The following ANKRD26 variants were observed in gnomAD, a reference collection of about 807,000 sequenced individuals.
ANKRD26 encodes ankyrin repeat domain-containing protein 26.
Under a neutral mutation model 208.7 loss-of-function variants are expected in ANKRD26, and 141 were observed. The ratio of observed to expected loss-of-function variants is 0.68; its 90% CI spans 0.59 to 0.78. The LOEUF (loss-of-function observed/expected upper bound fraction) is 0.78, where lower values mean the gene tolerates loss of function less well. Among genes scored for constraint, ANKRD26 ranks in the 30% least tolerant of loss-of-function variants. The probability of loss-of-function intolerance (pLI) is 0.00; values close to 1 mark genes in which losing one functional copy is unlikely to be tolerated. For synonymous variants in ANKRD26, 636 were observed against 660.4 expected (o/e 0.96, Z 0.57); for missense variants, 1,889 against 1,938.7 (o/e 0.97, Z 0.48).
At chr10:27,062,710 T>C (rs2055101900) in intron 12 of ANKRD26, among the ~76,000 whole-genome samples, 1 of 152,156 alleles carries the variant, frequency 6.6e-6, no homozygotes, top group Non-Finnish European at 1.5e-5. Flanking sequence ...CTCTCTTCTT[T>C]CCAATTCTTT....
chr10:27,034,126 G>T (rs1564372997), intron 24 of ANKRD26, among the ~76,000 whole-genome samples: 1 of 152,030 alleles, frequency 6.6e-6, no homozygotes, highest in South Asian at 2.1e-4. Flanking sequence ...AATACCACTG[G>T]GGAGATTAAG....
At chr10:27,032,980 C>T (rs1240846475) in intron 25 of ANKRD26, among the ~76,000 whole-genome samples, 2 of 150,030 alleles carry the variant, frequency 1.3e-5, no homozygotes, top group Non-Finnish European at 3.0e-5. Context: ...GAGGCTGAGG[C>T]AGGAGAATGG....
chr10:27,080,003 A>G (rs144079461), intron 6 of ANKRD26: 36 of 348,442 alleles, frequency 1.0e-4, no homozygotes, highest in Admixed American at 2.5e-4. Flanking sequence ...TAAAAATACA[A>G]AGAATTAGCT....
At chr10:27,069,186 C>A in intron 9 of ANKRD26, among the ~76,000 whole-genome samples, 1 of 95,572 alleles carries the variant, frequency 1.0e-5, no homozygotes, top group African/African-American at 4.7e-5. Flanking sequence ...CAGAGTGAGA[C>A]GTCGTCTCAA....
rs116083031 is a variant in ANKRD26 at position 27,040,456 on chromosome 10, A to G, written c.2162-278T>C. Among the ~76,000 whole-genome samples, 705 of 152,282 alleles carry G rather than the reference A, an allele frequency of 4.6e-3. 4 individuals are homozygous for G. The highest frequency in any genetic ancestry group is 0.016 in the African/African-American group (661 of 41,554). On this transcript the variant is annotated intron_variant, in intron 20 of 33. Coordinates refer to ENST00000376087, the MANE Select transcript of ANKRD26 (RefSeq NM_014915.3). ...AGGAAACAGAGTTCTATGACCACAAAAGAGAATTTGATCTATACTGGGTCC... is the reference window on the plus strand; with the variant it reads ...AGGAAACAGAGTTCTATGACCACAAGAGAGAATTTGATCTATACTGGGTCC...
At chr10:27,070,831 A>G (rs1454753172) in intron 9 of ANKRD26, among the ~76,000 whole-genome samples, 1 of 151,880 alleles carries the variant, frequency 6.6e-6, no homozygotes, top group Non-Finnish European at 1.5e-5. Flanking sequence ...ACGCCCGGCT[A>G]ATTTTTTGTA....
At chr10:27,059,516 G>A (rs1225416332) in intron 15 of ANKRD26, among the ~76,000 whole-genome samples, 1 of 152,128 alleles carries the variant, frequency 6.6e-6, no homozygotes, top group African/African-American at 2.4e-5. Flanking sequence ...CAGCGTGTTG[G>A]TTACCTCTAT....
At chr10:27,016,874 T>TG (rs998846163) in intron 30 of ANKRD26, among the ~76,000 whole-genome samples, 10 of 49,802 alleles carry the variant, frequency 2.0e-4, no homozygotes, top group Non-Finnish European at 3.0e-4. Flanking sequence ...TTTAAATATG[T>TG]GAAAAAAAAG....
intron 9 of ANKRD26, among the ~76,000 whole-genome samples, chr10:27,070,059 C>T (rs1589328386): frequency 6.9e-6 from 1 of 145,800 alleles, no homozygotes; most frequent in East Asian, 2.1e-4. Flanking sequence ...GAGCCTTGAT[C>T]ATGCCACTGC....
downstream of ANKRD26, among the ~76,000 whole-genome samples, chr10:26,970,649 G>C (rs1319715878): frequency 6.6e-6 from 1 of 152,234 alleles, no homozygotes; most frequent in Non-Finnish European, 1.5e-5. Context: ...TTATAGCAAT[G>C]CAAGAATGAA....
At chr10:26,958,016 A>G in the ANKRD26 span, among the ~76,000 whole-genome samples, 115 of 151,784 alleles carry the variant, frequency 7.6e-4, 3 homozygotes, top group South Asian at 0.016. Context: ...TAGGTTTGCT[A>G]CATAGGTAAA....
the ANKRD26 span, among the ~76,000 whole-genome samples, chr10:26,964,006 G>A: frequency 7.0e-6 from 1 of 142,216 alleles, no homozygotes. Flanking sequence ...CTGTCTTGCA[G>A]GCTCAAGAGA....
chr10:26,966,679 CTTGT>C, the ANKRD26 span, among the ~76,000 whole-genome samples: 1 of 152,014 alleles, frequency 6.6e-6, no homozygotes, highest in Non-Finnish European at 1.5e-5. Context: ...TTCAGCATAC[CTTGT>C]TTAATTGCAA....
At position 27,037,879 on chromosome 10, in the gene ANKRD26, A is replaced by T. The variant is rs1352521287; in HGVS notation, c.2551T>A (p.Leu851Met). The stretch of plus-strand genomic sequence containing the variant: ...ATCAAAAATTAATTTACCTGATTCA[A>T]ATTACTTTTTACAGTCCTCAATTCC... ...EMELRTVKSN[L>M]NQVVQERNDA... Residue 851 changes from leucine (L) to methionine (M), a missense_variant, in exon 22 of 34, where the codon TTG becomes ATG. Physicochemically the swap from Leu to Met is conservative, Grantham distance 15. Coordinates refer to ENST00000376087, the MANE Select transcript of ANKRD26 (RefSeq NM_014915.3). 3.7e-6 allele frequency: 6 copies of T among 1,607,722 alleles called. No individual in the cohort carries two copies. The highest frequency in any genetic ancestry group is 3.3e-5 in the Admixed American group (2 of 59,794).
intron 21 of ANKRD26, among the ~76,000 whole-genome samples, chr10:27,039,327 G>A (rs1053976024): frequency 6.6e-6 from 1 of 151,856 alleles, no homozygotes; most frequent in Non-Finnish European, 1.5e-5. Flanking sequence ...GGTGGCGTGC[G>A]CCTGTAATCC....
rs370943966 is a variant in ANKRD26, at chr10:27,005,637, C to T, written c.5086G>A (p.Ala1696Thr). The T allele has an allele frequency of 7.4e-6, 12 of 1,612,782 alleles. No individual in the cohort carries two copies. The African/African-American group carries it at 1.5e-4, about 20-fold the overall frequency. ...AAAACCTGTACATATTCTCTTGATG[C>T]TTTCCAAACTAGATCTTGATTTAGA... ...SNLNQDLVWK[A>T]SREYVQVLKK... Residue 1696 changes from alanine (A) to threonine (T), a missense_variant, in exon 34 of 34, where the codon GCA (alanine) becomes ACA (threonine). Ala to Thr is a moderately conservative substitution (Grantham distance 58, BLOSUM62 0). Around this residue, in one of 3 missense-constraint regions of ANKRD26, gnomAD observed 613 missense variants for 648.2 expected, o/e 0.95. Coordinates refer to ENST00000376087, the MANE Select transcript of ANKRD26 (RefSeq NM_014915.3).
downstream of ANKRD26, among the ~76,000 whole-genome samples, chr10:27,002,966 A>G (rs1048971827): frequency 1.3e-5 from 2 of 152,144 alleles, no homozygotes; most frequent in African/African-American, 4.8e-5. Context: ...ATTTATTTCA[A>G]TGTTTAGTAT....
chr10:27,061,213 C>T lies in ANKRD26; in HGVS notation c.1393G>A (p.Gly465Arg). ...DVFYIPSCMS[G>R]SRNFKMAKLE... ...TTAGCCATCTTAAAGTTTCTTGATC[C>T]ACTCATGCAAGAAGGTATATAAAAC... The change falls in exon 13 of 34, where the codon GGA becomes AGA. Residue 465 changes from glycine to arginine, a missense_variant. Transcript: ENST00000376087. 1.2e-6 allele frequency: 2 copies of T among 1,609,760 alleles called. No individual in the cohort carries two copies. The highest frequency in any genetic ancestry group is 1.7e-6 in the Non-Finnish European group (2 of 1,176,618).
chr10:26,972,140 C>A (rs572111492), downstream of ANKRD26, among the ~76,000 whole-genome samples: 73 of 150,852 alleles, frequency 4.8e-4, 2 homozygotes, highest in East Asian at 0.012. Context: ...GAGGCTGAGG[C>A]AGGAGAATGG....
Sources: gnomAD v4.1 joint callset for allele counts (sites outside exome capture counted in the v4.1 genomes callset) on GRCh38, gnomAD v4.1.1 for gene constraint, gnomAD v4.1.1 regional missense constraint, MANE v1.5 for transcripts, NCBI Gene and HGNC (gene_info 2026-07-23, HGNC 2026-07-21) for gene names.